CHD3: variants seen among roughly 807,000 people sequenced by gnomAD.
CHD3 encodes the protein chromodomain helicase DNA binding protein 3, also known as ATP-dependent chromatin remodeler CHD3.
CHD3 carries 52 observed loss-of-function variants against 248.9 expected under a neutral mutation model. That is an observed-to-expected ratio of 0.21 (90% CI 0.17 to 0.26). CHD3 has a LOEUF of 0.26. Among genes scored for constraint, CHD3 ranks in the 10% least tolerant of loss-of-function variants. The probability of loss-of-function intolerance (pLI) is 1.00; values close to 1 mark genes in which losing one functional copy is unlikely to be tolerated. For synonymous variants in CHD3, 985 were observed against 985.2 expected (o/e 1.00, Z 0.00); for missense variants, 1,482 against 2,605.8 (o/e 0.57, Z 9.39).
At position 7,888,828 on chromosome 17, in the gene CHD3, T is replaced by G. The variant is rs1968397571; in HGVS notation, c.-173T>G. 1.4e-6 allele frequency: 2 copies of G among 1,444,140 alleles called. No homozygotes were observed. The highest frequency in any genetic ancestry group is 1.8e-6 in the Non-Finnish European group (2 of 1,103,460). The allele number at this position is 1,444,140 out of a possible 1,614,324, so 89.5% of individuals were successfully genotyped here. On this transcript the variant is annotated 5_prime_UTR_variant, in exon 1 of 40. It removes an upstream start codon present in the reference 5' UTR. Coordinates refer to ENST00000330494, the MANE Select transcript of CHD3 (RefSeq NM_001005273.3). Reference sequence around the variant, plus strand: ...GTCTCCCATACTGCGTATAGATGAATGGGTCAGGATATCTGGAACAAAATA... The same window carrying G: ...GTCTCCCATACTGCGTATAGATGAAGGGGTCAGGATATCTGGAACAAAATA...
At chr17:7,894,390 A>G (rs1299051522) in intron 7 of CHD3, 25 bp from the exon 8 acceptor site, 4 of 1,597,372 alleles carry the variant, frequency 2.5e-6, no homozygotes, top group Non-Finnish European at 8.6e-7. Context: ...CTGCTTCCTT[A>G]TCCCTCCACC....
upstream of CHD3, chr17:7,884,864 G>A (rs1377066515): frequency 8.0e-7 from 1 of 1,242,620 alleles, no homozygotes; most frequent in Non-Finnish European, 1.1e-6. Flanking sequence ...GGTGTCGGAG[G>A]AGGAAGAAGA....
Position 7,903,153 on chromosome 17 carries a change from T to C in CHD3, c.3495+92T>C. On this transcript the variant is annotated intron_variant, in intron 22 of 39. Coordinates refer to ENST00000330494, the MANE Select transcript of CHD3 (RefSeq NM_001005273.3). This position sits in a 1 kb window ranked among gnomAD's most constrained non-coding sequence, Gnocchi z 6.8. ...GTCATGTTCCGGGGTCAGAAATAAA[T>C]CTCTTCTGGGAGGAGAGAAGGCCCT... is the stretch of plus-strand genomic sequence containing the variant. The C allele has an allele frequency of 1.9e-6, 3 of 1,573,692 alleles. No homozygotes were observed. Among genetic ancestry groups the C allele is most frequent in the Non-Finnish European group, 2.6e-6 (3 of 1,153,890 alleles).
In CHD3 at chr17:7,909,346, C is replaced by A; in HGVS notation, c.5590+8C>A. On this transcript the variant is annotated splice_region_variant and intron_variant, in intron 37 of 39. Transcript: ENST00000330494. This position sits in a 1 kb window ranked among gnomAD's most constrained non-coding sequence, Gnocchi z 8.1. The stretch of plus-strand genomic sequence containing the variant: ...ACGCCGTCCTGCACAAGGGTAAGGG[C>A]CGCGGCGGCCCCGCGCGGGGGAGGG... 1 of 1,537,762 alleles carries A rather than the reference C, an allele frequency of 6.5e-7. No individual in the cohort carries two copies. Among genetic ancestry groups the A allele is most frequent in the Non-Finnish European group, 8.8e-7 (1 of 1,140,454 alleles).
Position 7,907,577 on chromosome 17 carries a change from C to T in CHD3, c.4925-24C>T, listed in dbSNP as rs1971136830. On this transcript the variant is annotated intron_variant, in intron 32 of 39. Transcript: ENST00000330494. The surrounding 1 kb of genome is among the most constrained non-coding windows in gnomAD (Gnocchi z 4.3). ...GGGGATGAGGGTAACATCCTCCCTTCCTATCCCCTACCCCCTCCCACAGCC... is the reference window on the plus strand; with the variant it reads ...GGGGATGAGGGTAACATCCTCCCTTTCTATCCCCTACCCCCTCCCACAGCC... 4.6e-6 allele frequency: 7 copies of T among 1,514,054 alleles called. No homozygotes were observed. The highest frequency in any genetic ancestry group is 6.2e-6 in the Non-Finnish European group (7 of 1,133,098). The allele number at this position is 1,514,054 out of a possible 1,614,324, so 93.8% of individuals were successfully genotyped here.
Position 7,906,446 on chromosome 17 carries a change from TG to T in CHD3, c.4359-103del. 2 of 1,189,634 alleles carry T rather than the reference TG, an allele frequency of 1.7e-6. No homozygotes were observed. Among genetic ancestry groups the T allele is most frequent in the Non-Finnish European group, 1.2e-6 (1 of 821,372 alleles). The allele number at this position is 1,189,634 out of a possible 1,614,324, so 73.7% of individuals were successfully genotyped here. A position where few individuals can be genotyped will look rare whatever the true frequency, so the allele number is the denominator to read the frequency against. On this transcript the variant is annotated intron_variant, in intron 28 of 39. Coordinates refer to ENST00000330494, the MANE Select transcript of CHD3 (RefSeq NM_001005273.3). This position sits in a 1 kb window ranked among gnomAD's most constrained non-coding sequence, Gnocchi z 5.0. ...CCCAGGGGAGGAGCCCTGGAGCACC[TG>T]GGGATTTGGGGGTTTGGGGGTCCTC...
Position 7,905,051 on chromosome 17 carries a change from C to T in CHD3, c.4073-49C>T, listed in dbSNP as rs202235515. On this transcript the variant is annotated intron_variant, in intron 25 of 39. Transcript: ENST00000330494. The surrounding 1 kb of genome is among the most constrained non-coding windows in gnomAD (Gnocchi z 5.8). ...CAGCCAGAAAGGGCCTCAGCATGGG[C>T]ATATCCCGAGAGCCCTCCCTGACCA... is the stretch of plus-strand genomic sequence containing the variant. The T allele has an allele frequency of 2.3e-5, 35 of 1,531,206 alleles. No homozygotes were observed. Among genetic ancestry groups the T allele is most frequent in the East Asian group, 4.5e-5 (2 of 44,512 alleles). 94.9% of individuals were successfully genotyped at this position (1,531,206 alleles called of 1,614,324 possible).
rs1970749992 is a variant in CHD3, at chr17:7,904,989, C to T, written c.4073-111C>T. ...CTGGTGTTCCCAGAAGGACCAAGGC[C>T]AGAATAAAGGTAGACAAGTCTCGGC... On this transcript the variant is annotated intron_variant, in intron 25 of 39. Coordinates refer to ENST00000330494, the MANE Select transcript of CHD3 (RefSeq NM_001005273.3). This position sits in a 1 kb window ranked among gnomAD's most constrained non-coding sequence, Gnocchi z 4.4. 1 of 1,008,362 alleles carries T rather than the reference C, an allele frequency of 9.9e-7. No individual in the cohort carries two copies. Among genetic ancestry groups the T allele is most frequent in the Admixed American group, 1.8e-5 (1 of 56,110 alleles). The allele number at this position is 1,008,362 out of a possible 1,614,324, so 62.5% of individuals were successfully genotyped here.
chr17:7,885,557 C>T (rs1967769461), upstream of CHD3, among the ~76,000 whole-genome samples: 1 of 151,326 alleles, frequency 6.6e-6, no homozygotes, highest in Admixed American at 6.6e-5. Context: ...GGGGGAGGGG[C>T]ACGTGGGGGA....
At position 7,901,278 on chromosome 17, in the gene CHD3, G is replaced by C; in HGVS notation, c.3155G>C (p.Gly1052Ala). 6.2e-7 allele frequency: 1 copy of C among 1,613,514 alleles called. No individual in the cohort carries two copies. Among genetic ancestry groups the C allele is most frequent in the Non-Finnish European group, 8.5e-7 (1 of 1,179,670 alleles). The change falls in exon 20 of 40, where the codon GGT (glycine) becomes GCT (alanine). Residue 1052 changes from glycine to alanine, a missense_variant. By Grantham distance (60) the Gly-to-Ala change is moderately conservative. Around this residue, in one of 20 missense-constraint regions of CHD3, gnomAD observed 31 missense variants for 53.9 expected, o/e 0.58. Coordinates refer to ENST00000330494, the MANE Select transcript of CHD3 (RefSeq NM_001005273.3). ...AAACTCCCCAGTGGGGCTTATGAGG[G>C]TGGGGCACTTATTAAGTCGTCTGGG... is the stretch of plus-strand genomic sequence containing the variant. Reference protein sequence around the residue: ...SPKLPSGAYEGGALIKSSGKL... With the variant: ...SPKLPSGAYEAGALIKSSGKL...
At chr17:7,885,061 G>GCCGCCGCCGCCC (rs1437330745), upstream of CHD3, 1 of 954,236 alleles carries the variant, frequency 1.0e-6, no homozygotes, top group Non-Finnish European at 1.2e-6. Context: ...CGCTGCCCCC[G>GCCGCCGCCGCCC]CCGCCGCCGC....
In CHD3 at chr17:7,904,715, A is replaced by G; in HGVS notation, c.4072+96A>G. 1 of 1,150,600 alleles carries G rather than the reference A, an allele frequency of 8.7e-7. No individual in the cohort carries two copies. The allele number at this position is 1,150,600 out of a possible 1,614,324, so 71.3% of individuals were successfully genotyped here. A position where few individuals can be genotyped will look rare whatever the true frequency, so the allele number is the denominator to read the frequency against. On this transcript the variant is annotated intron_variant, in intron 25 of 39. Transcript: ENST00000330494. This position sits in a 1 kb window ranked among gnomAD's most constrained non-coding sequence, Gnocchi z 4.4. ...TATTTAGAGGGAAAGAGAGAAGCCTAGAAGTCAGAGCCTTCCTCTGCTAAA... is the reference window on the plus strand; with the variant it reads ...TATTTAGAGGGAAAGAGAGAAGCCTGGAAGTCAGAGCCTTCCTCTGCTAAA...
chr17:7,907,277 GC>G lies in CHD3; in HGVS notation c.4788+31del. The G allele has an allele frequency of 6.2e-7, 1 of 1,614,126 alleles. No homozygotes were observed. The highest frequency in any genetic ancestry group is 8.5e-7 in the Non-Finnish European group (1 of 1,179,970). On this transcript the variant is annotated intron_variant, in intron 31 of 39. Coordinates refer to ENST00000330494, the MANE Select transcript of CHD3 (RefSeq NM_001005273.3). The surrounding 1 kb of genome is among the most constrained non-coding windows in gnomAD (Gnocchi z 4.3). ...GTGGCTCCCTGGATTCCCCTGTGGA[GC>G]GGGAGGGGAGGGGGCTTGGAGGCCA...
In CHD3 at chr17:7,889,076, C is replaced by G; in HGVS notation, c.76C>G (p.Leu26Val). Reference protein sequence around the residue: ...DQLRISFPPGLCWGDRMPDKD... With the variant: ...DQLRISFPPGVCWGDRMPDKD... ...GCTGAGGATTTCTTTTCCTCCAGGA[C>G]TGTGTTGGGGTGACAGGATGCCTGG... is the stretch of plus-strand genomic sequence containing the variant. The change falls in exon 1 of 40, where the codon CTG becomes GTG. Residue 26 changes from leucine (L) to valine (V), a missense_variant. By Grantham distance (32) the Leu-to-Val change is conservative. This residue lies in a region of CHD3 where 169 missense variants were observed against 168.1 expected (regional missense o/e 1.01). Coordinates refer to ENST00000330494, the MANE Select transcript of CHD3 (RefSeq NM_001005273.3). This position sits in a 1 kb window ranked among gnomAD's most constrained non-coding sequence, Gnocchi z 4.5. 1 of 1,614,200 alleles carries G rather than the reference C, an allele frequency of 6.2e-7. No individual in the cohort carries two copies. The highest frequency in any genetic ancestry group is 8.5e-7 in the Non-Finnish European group (1 of 1,180,032).
At chr17:7,890,898 G>T in intron 3 of CHD3, 42 bp from the exon 4 acceptor site, 2 of 1,612,680 alleles carry the variant, frequency 1.2e-6, no homozygotes, top group Non-Finnish European at 1.7e-6. Context: ...CTGGAATAGG[G>T]GCTGGAGGAG....
Position 7,899,714 on chromosome 17 carries a change from C to G in CHD3, c.2544+171C>G, listed in dbSNP as rs2151566473. 6.6e-6 allele frequency among the ~76,000 whole-genome samples: 1 copy of G among 152,248 alleles called. No individual in the cohort carries two copies. Among genetic ancestry groups the G allele is most frequent in the African/African-American group, 2.4e-5 (1 of 41,544 alleles). ...TATGGCAGGTACTCCCAGGGGCATA[C>G]ATGGATCTGTCGGTACTGGAAATGT... On this transcript the variant is annotated intron_variant, in intron 15 of 39. Transcript: ENST00000330494. The surrounding 1 kb of genome is among the most constrained non-coding windows in gnomAD (Gnocchi z 6.8).
rs1969839507 is a variant in CHD3 at position 7,897,566 on chromosome 17, A to G, written c.1919+272A>G. 6.6e-6 allele frequency among the ~76,000 whole-genome samples: 1 copy of G among 152,230 alleles called. No homozygotes were observed. The highest frequency in any genetic ancestry group is 2.4e-5 in the African/African-American group (1 of 41,460). The stretch of plus-strand genomic sequence containing the variant: ...ACATGAGTCTGGGGATGAGGGCATG[A>G]AAGCAAAACATGAGAGACATAATTC... On this transcript the variant is annotated intron_variant, in intron 11 of 39. Transcript: ENST00000330494. The surrounding 1 kb of genome is among the most constrained non-coding windows in gnomAD (Gnocchi z 4.8).
At chr17:7,891,850 G>T (rs928945461) in intron 4 of CHD3, among the ~76,000 whole-genome samples, 5 of 150,444 alleles carry the variant, frequency 3.3e-5, no homozygotes, top group African/African-American at 9.8e-5. Context: ...GGCAACAAGC[G>T]AAACTCCGTC....
chr17:7,900,523 C>G lies in CHD3; in HGVS notation c.2805-35C>G. The G allele has an allele frequency of 1.2e-6, 2 of 1,609,276 alleles. No homozygotes were observed. The highest frequency in any genetic ancestry group is 1.7e-6 in the Non-Finnish European group (2 of 1,176,228). On this transcript the variant is annotated intron_variant, in intron 17 of 39. Transcript: ENST00000330494. This position sits in a 1 kb window ranked among gnomAD's most constrained non-coding sequence, Gnocchi z 6.5. ...TCTGAGATCAGGGGCAAGGAACTTG[C>G]CGACCTGTTAATTTTCTTCTCTTCT...
Sources: gnomAD v4.1 joint callset for allele counts (sites outside exome capture counted in the v4.1 genomes callset) on GRCh38, gnomAD v4.1.1 for gene constraint, gnomAD v4.1.1 regional missense constraint, Gnocchi (gnomAD v3.1) non-coding constraint, MANE v1.5 for transcripts, NCBI Gene and HGNC (gene_info 2026-07-23, HGNC 2026-07-21) for gene names.